The following UROS variants were observed in gnomAD, a reference collection of about 807,000 sequenced individuals.
UROS encodes uroporphyrinogen-III synthase.
Under a neutral mutation model 33.0 loss-of-function variants are expected in UROS, and 18 were observed. The ratio of observed to expected loss-of-function variants is 0.55; its 90% CI spans 0.38 to 0.81. The LOEUF is 0.81. Among genes scored for constraint, UROS ranks in the 30% least tolerant of loss-of-function variants. UROS has a pLI of 0.00. For missense variants in UROS, 293 were observed against 314.9 expected (o/e 0.93, Z 0.53); for synonymous variants, 114 against 121.1 (o/e 0.94, Z 0.38).
chr10:125,820,327 G>A (rs539776141), intron 1 of UROS, among the ~76,000 whole-genome samples: 2 of 152,290 alleles, frequency 1.3e-5, no homozygotes, highest in Middle Eastern at 6.8e-3. Flanking sequence ...CAGCCTGAGT[G>A]TGAAGGCCTC....
At chr10:125,796,497 A>C (rs1375765442) in intron 7 of UROS, among the ~76,000 whole-genome samples, 3 of 152,182 alleles carry the variant, frequency 2.0e-5, no homozygotes, top group African/African-American at 7.2e-5. Context: ...GTTTGTCCAC[A>C]CAAGGCCGTC....
chr10:125,800,157 G>A (rs2133856297), intron 6 of UROS, among the ~76,000 whole-genome samples: 1 of 152,272 alleles, frequency 6.6e-6, no homozygotes, highest in East Asian at 1.9e-4. Context: ...GATGATACAA[G>A]CAGGAGGCAG....
At chr10:125,791,355 T>C (rs986835650) in intron 9 of UROS, among the ~76,000 whole-genome samples, 1 of 152,000 alleles carries the variant, frequency 6.6e-6, no homozygotes, top group African/African-American at 2.4e-5. Flanking sequence ...ATGGAGGATA[T>C]GGAGAAACTG....
chr10:125,813,578 A>G (rs1853008795), intron 4 of UROS, among the ~76,000 whole-genome samples: 1 of 152,180 alleles, frequency 6.6e-6, no homozygotes. Context: ...CCTGAGTTCA[A>G]GTGGTTCTCG....
chr10:125,807,241 T>G, intron 6 of UROS, 172 bp downstream of exon 6: 1 of 663,470 alleles, frequency 1.5e-6, no homozygotes, highest in Non-Finnish European at 2.7e-6. Context: ...CCTCACAAAG[T>G]ATAGACATAC....
rs544901269 is a variant in UROS, at chr10:125,822,319, A to ATTT, written c.-27+707_-27+709dup. On this transcript the variant is annotated intron_variant, in intron 1 of 9. Coordinates refer to ENST00000368797, the MANE Select transcript of UROS (RefSeq NM_000375.3). Reference sequence around the variant, plus strand: ...TAGACTACCCCACTGGCCCCGAAGCATTTTTTTTTTTTTTTAGATAGGGTC... The same window carrying ATTT: ...TAGACTACCCCACTGGCCCCGAAGCATTTTTTTTTTTTTTTTTTAGATAGGGTC... Among the ~76,000 whole-genome samples the ATTT allele has an allele frequency of 5.1e-3, 721 of 142,416 alleles. 5 individuals carry two copies. Among genetic ancestry groups the ATTT allele is most frequent in the African/African-American group, 0.016 (605 of 38,476 alleles). 93.4% of individuals were successfully genotyped at this position (142,416 alleles called of 152,430 possible).
chr10:125,791,980 T>C (rs1436050733), intron 9 of UROS: 1 of 151,994 alleles, frequency 6.6e-6, no homozygotes, highest in Non-Finnish European at 1.5e-5. Context: ...ACACCTGTAA[T>C]CCCTACATTT....
intron 7 of UROS, among the ~76,000 whole-genome samples, chr10:125,797,269 C>G (rs1213447292): frequency 6.6e-6 from 1 of 152,136 alleles, no homozygotes; most frequent in Non-Finnish European, 1.5e-5. Context: ...AGTCATAGTT[C>G]CATGGAGAGC....
chr10:125,813,955 C>G (rs963931806), intron 4 of UROS, among the ~76,000 whole-genome samples: 4 of 152,214 alleles, frequency 2.6e-5, no homozygotes, highest in Admixed American at 2.6e-4. Context: ...CAGGTAATGT[C>G]CTGGATGCTT....
chr10:125,795,690 T>A (rs1851294484), intron 8 of UROS, among the ~76,000 whole-genome samples: 1 of 152,198 alleles, frequency 6.6e-6, no homozygotes, highest in South Asian at 2.1e-4. Flanking sequence ...ATAGCAATGA[T>A]AACATCAAGG....
rs767829538 is a variant in UROS at position 125,789,027 on chromosome 10, CAG to C, written c.661-24_661-23del. The C allele has an allele frequency of 2.5e-6, 4 of 1,612,346 alleles. No individual in the cohort carries two copies. The African/African-American group carries it at 5.3e-5, about 22-fold the overall frequency. ...CAAACTATAAAGACAGAAGAGAAAA[CAG>C]GGCTTCAGCACACCAGGAGGGGCTG... On this transcript the variant is annotated intron_variant, in intron 9 of 9. Transcript: ENST00000368797.
At chr10:125,813,103 T>C (rs900833350) in intron 4 of UROS, among the ~76,000 whole-genome samples, 7 of 152,204 alleles carry the variant, frequency 4.6e-5, no homozygotes, top group African/African-American at 1.2e-4. Flanking sequence ...ATCAATAGTA[T>C]TTATTCAAAA....
chr10:125,818,334 T>C lies in UROS; in HGVS notation c.-26-1809A>G, dbSNP rs545744672. 2.6e-5 allele frequency among the ~76,000 whole-genome samples: 4 copies of C among 152,088 alleles called. No homozygotes were observed. In the South Asian group the frequency reaches 8.3e-4, roughly 32 times the overall value. Reference sequence around the variant, plus strand: ...CCCATTTCTACAAAAATTTTAAAAGTTGTTAACAAGGAGCCGGGCATAGTG... The same window carrying C: ...CCCATTTCTACAAAAATTTTAAAAGCTGTTAACAAGGAGCCGGGCATAGTG... On this transcript the variant is annotated intron_variant, in intron 1 of 9. Transcript: ENST00000368797.
rs1851951134 is a variant in UROS at position 125,802,763 on chromosome 10, C to A, written c.395-4618G>T. On this transcript the variant is annotated intron_variant, in intron 6 of 9. Coordinates refer to ENST00000368797, the MANE Select transcript of UROS (RefSeq NM_000375.3). ...TACAGCCCAGGTAGGGAGGGTAGGT[C>A]TGAGATGGCACGAACTCCCAGCGGT... is the stretch of plus-strand genomic sequence containing the variant. 9 of 1,424,462 alleles carry A rather than the reference C, an allele frequency of 6.3e-6. No homozygotes were observed. In the Admixed American group the frequency reaches 2.3e-4, roughly 37 times the overall value. The allele number at this position is 1,424,462 out of a possible 1,614,324, so 88.2% of individuals were successfully genotyped here. A position where few individuals can be genotyped will look rare whatever the true frequency, so the allele number is the denominator to read the frequency against.
intron 5 of UROS, among the ~76,000 whole-genome samples, chr10:125,808,545 AC>A (rs1407983422): frequency 6.6e-5 from 10 of 152,254 alleles, no homozygotes; most frequent in Non-Finnish European, 2.9e-5. Context: ...CTGAACTGAG[AC>A]ATAAGAACTT....
chr10:125,809,884 C>A (rs1182538179), intron 5 of UROS, among the ~76,000 whole-genome samples: 1 of 152,202 alleles, frequency 6.6e-6, no homozygotes, highest in East Asian at 1.9e-4. Context: ...TTTTTGCCAT[C>A]TATTATTAAT....
chr10:125,802,811 G>C, intron 6 of UROS: 1 of 1,462,248 alleles, frequency 6.8e-7, no homozygotes, highest in South Asian at 1.4e-5. Flanking sequence ...ATCTGTGCGA[G>C]GCCCTGTGCG....
At chr10:125,786,278 C>CTT (rs751762144), downstream of UROS, among the ~76,000 whole-genome samples, 20 of 138,532 alleles carry the variant, frequency 1.4e-4, no homozygotes, top group African/African-American at 4.5e-4. Context: ...GCACATGAAC[C>CTT]TTTTTTTTTT....
chr10:125,789,085 C>G, intron 9 of UROS, 80 bp from the exon 10 acceptor site: 14 of 1,564,128 alleles, frequency 9.0e-6, no homozygotes, highest in Non-Finnish European at 1.1e-5. Flanking sequence ...TGTGCAGGGG[C>G]CGTCAGCCAG....
Sources: gnomAD v4.1 joint callset for allele counts (sites outside exome capture counted in the v4.1 genomes callset) on GRCh38, gnomAD v4.1.1 for gene constraint, MANE v1.5 for transcripts, NCBI Gene and HGNC (gene_info 2026-07-23, HGNC 2026-07-21) for gene names.